The following GRIA4 variants were observed in gnomAD, a reference collection of about 807,000 sequenced individuals.
The protein encoded by GRIA4 is glutamate ionotropic receptor AMPA type subunit 4.
Under a neutral mutation model 104.0 loss-of-function variants are expected in GRIA4, and 34 were observed. The ratio of observed to expected loss-of-function variants is 0.33; its 90% CI spans 0.25 to 0.44. GRIA4 has a LOEUF of 0.44. GRIA4 is among the 20% of genes least tolerant of loss of function. GRIA4 has a pLI of 1.00. For missense variants in GRIA4, 750 were observed against 1,096.5 expected (o/e 0.68, Z 4.46); for synonymous variants, 386 against 381.9 (o/e 1.01, Z -0.13).
chr11:105,677,178 T>A (rs1348676), intron 3 of GRIA4, among the ~76,000 whole-genome samples: 147,679 of 151,862 alleles, frequency 0.97, 71,908 homozygotes, highest in Non-Finnish European at 1. Context: ...TATTTATCTT[T>A]AGGAATGTTG....
At chr11:105,846,225 A>G (rs1944589104) in intron 4 of GRIA4, among the ~76,000 whole-genome samples, 2 of 152,196 alleles carry the variant, frequency 1.3e-5, no homozygotes, top group Non-Finnish European at 2.9e-5. Context: ...AAAATTAGAA[A>G]ACTAGTATTT....
At chr11:105,616,507 G>C (rs1264328283) in intron 3 of GRIA4, among the ~76,000 whole-genome samples, 1 of 151,606 alleles carries the variant, frequency 6.6e-6, no homozygotes, top group Non-Finnish European at 1.5e-5. Context: ...CACTTATAAA[G>C]TAGGTACTTA....
intron 3 of GRIA4, among the ~76,000 whole-genome samples, chr11:105,726,224 A>G (rs1938198129): frequency 6.6e-6 from 1 of 152,014 alleles, no homozygotes. Flanking sequence ...GTCCACTATT[A>G]CTGAGGCTTG....
intron 6 of GRIA4, among the ~76,000 whole-genome samples, chr11:105,890,983 A>G (rs953332445): frequency 6.6e-6 from 1 of 152,212 alleles, no homozygotes; most frequent in African/African-American, 2.4e-5. Flanking sequence ...TGATATCGCA[A>G]TAGGTTAAGC....
intron 3 of GRIA4, among the ~76,000 whole-genome samples, chr11:105,715,252 C>G (rs1390716883): frequency 6.6e-6 from 1 of 152,178 alleles, no homozygotes; most frequent in Non-Finnish European, 1.5e-5. Context: ...TTTCATTACA[C>G]TTGCTGAAGG....
chr11:105,885,311 G>A (rs1946215474), intron 5 of GRIA4, among the ~76,000 whole-genome samples: 1 of 152,090 alleles, frequency 6.6e-6, no homozygotes, highest in Admixed American at 6.5e-5. Context: ...TTCATAAACC[G>A]AGCTTTCTCC....
At chr11:105,936,857 T>G (rs1049709655) in intron 14 of GRIA4, among the ~76,000 whole-genome samples, 5 of 152,200 alleles carry the variant, frequency 3.3e-5, no homozygotes, top group Admixed American at 2.0e-4. Context: ...ACAGAGCTCT[T>G]TACCGTTCAG....
rs60507874 is a variant in GRIA4 at position 105,794,463 on chromosome 11, G to A, written c.487+41243G>A. ...TGTGTGTGTGTGTGTCTGTGTGTGT[G>A]TATATGTATGTATATATATATATAT... On this transcript the variant is annotated intron_variant, in intron 4 of 16. Coordinates refer to ENST00000282499, the MANE Select transcript of GRIA4 (RefSeq NM_000829.4). 1.0e-2 allele frequency among the ~76,000 whole-genome samples: 391 copies of A among 39,240 alleles called. 14 individuals are homozygous for A. Among genetic ancestry groups the A allele is most frequent in the African/African-American group, 0.052 (368 of 7,090 alleles). The allele number at this position is 39,240 out of a possible 152,430, so 25.7% of individuals were successfully genotyped here. A position where few individuals can be genotyped will look rare whatever the true frequency, so the allele number is the denominator to read the frequency against.
chr11:105,925,279 C>T (rs1390554298), intron 12 of GRIA4, among the ~76,000 whole-genome samples: 1 of 152,088 alleles, frequency 6.6e-6, no homozygotes, highest in Non-Finnish European at 1.5e-5. Context: ...CATAAATTAG[C>T]TAAGCAATAG....
chr11:105,828,394 G>C (rs1943853237), intron 4 of GRIA4, among the ~76,000 whole-genome samples: 1 of 151,886 alleles, frequency 6.6e-6, no homozygotes, highest in Non-Finnish European at 1.5e-5. Context: ...ACCGTAGTTG[G>C]CACATTAACC....
chr11:105,817,710 T>C (rs1943434351), intron 4 of GRIA4, among the ~76,000 whole-genome samples: 1 of 152,176 alleles, frequency 6.6e-6, no homozygotes, highest in Non-Finnish European at 1.5e-5. Flanking sequence ...CATTACAGAA[T>C]ATCGTACATT....
intron 6 of GRIA4, among the ~76,000 whole-genome samples, chr11:105,896,279 G>A (rs1047381083): frequency 7.3e-5 from 11 of 151,636 alleles, no homozygotes; most frequent in African/African-American, 2.4e-4. Flanking sequence ...GGGGTTATTT[G>A]GTTTTTATTT....
At chr11:105,681,491 G>A (rs932492423) in intron 3 of GRIA4, among the ~76,000 whole-genome samples, 30 of 152,122 alleles carry the variant, frequency 2.0e-4, no homozygotes, top group Admixed American at 1.8e-3. Context: ...TTTCTAAAAC[G>A]TAAGCTCCAT....
At chr11:105,672,585 T>A (rs939113398) in intron 3 of GRIA4, among the ~76,000 whole-genome samples, 1 of 152,170 alleles carries the variant, frequency 6.6e-6, no homozygotes, top group African/African-American at 2.4e-5. Flanking sequence ...CAGAAACAGT[T>A]TAACTTTTGA....
chr11:105,816,091 C>G (rs968794036), intron 4 of GRIA4, among the ~76,000 whole-genome samples: 9 of 152,276 alleles, frequency 5.9e-5, no homozygotes, highest in African/African-American at 2.2e-4. Flanking sequence ...TTTGGATTTC[C>G]TATTCCCAGA....
Position 105,974,315 on chromosome 11 carries a change from G to A in GRIA4, c.2415G>A (p.Lys805=). The change falls in exon 16 of 17, where the codon AAG becomes AAA. Residue 805 remains lysine (K), a synonymous_variant. Transcript: ENST00000282499. ...AGTGTCTTTATCCCCCCTAGGACAA[G>A]ACGAGTGCCTTGAGCCTGAGCAATG... ...CGPKDSGSKD[K]TSALSLSNVA... is the part of the protein sequence containing the mutation. 6.2e-7 allele frequency: 1 copy of A among 1,613,848 alleles called. No individual in the cohort carries two copies. The highest frequency in any genetic ancestry group is 8.5e-7 in the Non-Finnish European group (1 of 1,179,802).
intron 3 of GRIA4, among the ~76,000 whole-genome samples, chr11:105,724,167 AC>A (rs1938026767): frequency 6.6e-6 from 1 of 152,116 alleles, no homozygotes; most frequent in African/African-American, 2.4e-5. Flanking sequence ...CTGGATATTT[AC>A]CCAATAAACA....
intron 10 of GRIA4, among the ~76,000 whole-genome samples, chr11:105,916,027 TA>T (rs1282662977): frequency 1.3e-5 from 2 of 151,876 alleles, no homozygotes; most frequent in Non-Finnish European, 2.9e-5. Context: ...CTACTAAAAA[TA>T]CAAGAATTAA....
At position 105,874,594 on chromosome 11, in the gene GRIA4, C is replaced by T. The variant is rs577030984; in HGVS notation, c.672+12386C>T. ...TTGTTTGTGTCCTCTCTTATTTCCTCGAGCAGTGGTTTGTAGTTCTCCTTG... is the reference window on the plus strand; with the variant it reads ...TTGTTTGTGTCCTCTCTTATTTCCTTGAGCAGTGGTTTGTAGTTCTCCTTG... On this transcript the variant is annotated intron_variant, in intron 5 of 16. Coordinates refer to ENST00000282499, the MANE Select transcript of GRIA4 (RefSeq NM_000829.4). 1.9e-3 allele frequency among the ~76,000 whole-genome samples: 282 copies of T among 152,116 alleles called. 1 individual carries two copies. Among genetic ancestry groups the T allele is most frequent in the African/African-American group, 6.5e-3 (268 of 41,516 alleles).
Sources: gnomAD v4.1 joint callset for allele counts (sites outside exome capture counted in the v4.1 genomes callset) on GRCh38, gnomAD v4.1.1 for gene constraint, MANE v1.5 for transcripts, NCBI Gene and HGNC (gene_info 2026-07-23, HGNC 2026-07-21) for gene names.